Variants in PIGQ observed in about 807,000 individuals in gnomAD.
PIGQ encodes the protein phosphatidylinositol glycan anchor biosynthesis class Q.
Under a neutral mutation model 60.3 loss-of-function variants are expected in PIGQ, and 54 were observed. That is an observed-to-expected ratio of 0.90 (90% CI 0.72 to 1.12). PIGQ has a LOEUF of 1.12. Ranked by LOEUF, PIGQ falls within the 50% of genes most tolerant of loss-of-function variation. PIGQ has a pLI of 0.00. For missense variants in PIGQ, 799 were observed against 793.5 expected (o/e 1.01, Z -0.08); for synonymous variants, 416 against 363.7 (o/e 1.14, Z -1.64).
In PIGQ at chr16:583,043, G is replaced by A. The variant is rs1321166122; in HGVS notation, c.*8G>A. The A allele has an allele frequency of 5.0e-6, 8 of 1,612,910 alleles. No individual in the cohort carries two copies. In the East Asian group the frequency reaches 1.8e-4, roughly 36 times the overall value. ...GGGGACAAGCAGGACTGAGGGAACT[G>A]CTGGCTCGCCTGGCACCACCACACG... On this transcript the variant is annotated 3_prime_UTR_variant, in exon 11 of 11. Coordinates refer to ENST00000321878, the MANE Select transcript of PIGQ (RefSeq NM_004204.5).
At chr16:573,263 CCT>C (rs34138272) in intron 1 of PIGQ, among the ~76,000 whole-genome samples, 85 of 152,338 alleles carry the variant, frequency 5.6e-4, no homozygotes, top group African/African-American at 2.0e-3. Context: ...GACCTGTAAG[CCT>C]CTCTCTCCCC....
intron 2 of PIGQ, 60 bp downstream of exon 2, chr16:574,823 C>A: frequency 7.7e-7 from 1 of 1,304,224 alleles, no homozygotes; most frequent in Non-Finnish European, 1.0e-6. Flanking sequence ...CTGGCCCATC[C>A]CTTTGTCTGC....
chr16:582,998 T>C lies in PIGQ; in HGVS notation c.1709T>C (p.Ile570Thr). 6.2e-7 allele frequency: 1 copy of C among 1,613,136 alleles called. No individual in the cohort carries two copies. Residue 570 changes from isoleucine to threonine, a missense_variant, in exon 11 of 11, where the codon ATC (isoleucine) becomes ACC (threonine). Physicochemically the swap from Ile to Thr is moderately conservative, Grantham distance 89. Transcript: ENST00000321878. ...LCRKLFLGEL[I>T]YPWRQRGDKQ... The stretch of plus-strand genomic sequence containing the variant: ...CGCAAGCTGTTCCTTGGGGAGCTCA[T>C]CTACCCCTGGAGGCAGAGAGGGGAC...
rs1221967936 is a variant in PIGQ, at chr16:571,083, G to C, written c.-10+987G>C. 6.5e-3 allele frequency among the ~76,000 whole-genome samples: 171 copies of C among 26,436 alleles called. 1 individual carries two copies. The highest frequency in any genetic ancestry group is 0.012 in the South Asian group (4 of 344). The allele number at this position is 26,436 out of a possible 152,430, so 17.3% of individuals were successfully genotyped here. On this transcript the variant is annotated intron_variant, in intron 1 of 10. Coordinates refer to ENST00000321878, the MANE Select transcript of PIGQ (RefSeq NM_004204.5). ...TGTGTGTGTGTGTGTGTGTGTGTGT[G>C]TGTGTGTGTGTGTGTGTGTGTGTGT...
Position 580,206 on chromosome 16 carries a change from C to T in PIGQ, c.1359C>T (p.Phe453=), listed in dbSNP as rs1342887527. The T allele has an allele frequency of 3.7e-6, 6 of 1,612,750 alleles. No individual in the cohort carries two copies. The highest frequency in any genetic ancestry group is 5.1e-6 in the Non-Finnish European group (6 of 1,179,374). The change falls in exon 8 of 11, where the codon TTC becomes TTT. Residue 453 remains phenylalanine (F), a synonymous_variant. Transcript: ENST00000321878. ...AGCTGTTCATCGGGACTCTGCTCTT[C>T]ACCATCCTGCTCTTCCTCCTGCCTA... ...LDQLFIGTLL[F]TILLFLLPTT...
rs768828709 is a variant in PIGQ, at chr16:583,514, G to A, written c.*479G>A. On this transcript the variant is annotated 3_prime_UTR_variant, in exon 11 of 11. Coordinates refer to ENST00000321878, the MANE Select transcript of PIGQ (RefSeq NM_004204.5). ...ACCCTCTAGCTCCCTCAGCCGAACAGCACCCTGCATCTGGGGGATTGAAGC... is the reference window on the plus strand; with the variant it reads ...ACCCTCTAGCTCCCTCAGCCGAACAACACCCTGCATCTGGGGGATTGAAGC... 1.9e-5 allele frequency: 30 copies of A among 1,612,566 alleles called. No individual in the cohort carries two copies. Among genetic ancestry groups the A allele is most frequent in the Non-Finnish European group, 2.4e-5 (28 of 1,179,892 alleles).
At chr16:576,303 C>A (rs1157047866) in intron 4 of PIGQ, 49 bp downstream of exon 4, 1 of 1,527,874 alleles carries the variant, frequency 6.5e-7, no homozygotes, top group Non-Finnish European at 8.8e-7. Flanking sequence ...CGTGGGGACC[C>A]CTCCTGGGCA....
rs143344114 is a variant in PIGQ, at chr16:583,375, G to C, written c.*340G>C. ...CTGTGTACCCAGGTCCAGAGGGTCC[G>C]TCCACCACAGCAGCCCCAGGTGGAG... On this transcript the variant is annotated 3_prime_UTR_variant, in exon 11 of 11. Transcript: ENST00000321878. The C allele has an allele frequency of 7.9e-5, 128 of 1,612,540 alleles. No homozygotes were observed. In the African/African-American group the frequency reaches 1.5e-3, roughly 19 times the overall value.
intron 4 of PIGQ, among the ~76,000 whole-genome samples, chr16:577,444 G>A (rs1043917304): frequency 5.9e-5 from 9 of 152,018 alleles, no homozygotes; most frequent in Non-Finnish European, 1.0e-4. Context: ...AGGTATGGTG[G>A]TGGGCACCTG....
At chr16:573,852 TTGGGGCCAGCACTC>T (rs1187504597) in intron 1 of PIGQ, among the ~76,000 whole-genome samples, 200 bp from the exon 2 acceptor site, 3 of 152,172 alleles carry the variant, frequency 2.0e-5, no homozygotes, top group Non-Finnish European at 4.4e-5. Context: ...TGGGGTGGAC[TTGGGGCCAGCACTC>T]TGGCTGCCCC....
At chr16:581,008 G>A (rs771168686) in intron 9 of PIGQ, 36 bp downstream of exon 9, 7 of 1,434,536 alleles carry the variant, frequency 4.9e-6, no homozygotes, top group Non-Finnish European at 6.9e-6. Context: ...GCCCTGGGTA[G>A]GTGGAGGGGA....
chr16:577,378 C>T (rs1218708055), intron 4 of PIGQ: 8 of 152,030 alleles, frequency 5.3e-5, no homozygotes, highest in East Asian at 1.9e-4. Flanking sequence ...GAGATCGAGA[C>T]CATCCTGGCT....
At chr16:570,436 T>G (rs568757392) in intron 1 of PIGQ, 1 of 152,388 alleles carries the variant, frequency 6.6e-6, no homozygotes, top group South Asian at 2.1e-4. Context: ...GGTCTCACCA[T>G]GTTGCCCAGG....
Position 574,728 on chromosome 16 carries a change from C to T in PIGQ, c.654C>T (p.Ser218=). Residue 218 remains serine, a synonymous_variant, in exon 2 of 11, where the codon AGC becomes AGT. Coordinates refer to ENST00000321878, the MANE Select transcript of PIGQ (RefSeq NM_004204.5). ...GACCCATTTGCCTGCTGTTGGCCAG[C>T]CTGCTGTCGCTGGTCTCAGCTGTCA... is the stretch of plus-strand genomic sequence containing the variant. ...ASGPICLLLA[S]LLSLVSAVSA... 1 of 1,585,788 alleles carries T rather than the reference C, an allele frequency of 6.3e-7. No individual in the cohort carries two copies. The highest frequency in any genetic ancestry group is 8.5e-7 in the Non-Finnish European group (1 of 1,170,890).
chr16:583,751 C>T lies in PIGQ; in HGVS notation c.*716C>T. 2 of 1,227,658 alleles carry T rather than the reference C, an allele frequency of 1.6e-6. No homozygotes were observed. Among genetic ancestry groups the T allele is most frequent in the Non-Finnish European group, 2.4e-6 (2 of 846,558 alleles). The allele number at this position is 1,227,658 out of a possible 1,614,324, so 76.0% of individuals were successfully genotyped here. A position where few individuals can be genotyped will look rare whatever the true frequency, so the allele number is the denominator to read the frequency against. ...CCTATTCGTCCACGGTGCCCCGTAG[C>T]AGCAGGTCCTGCGGCCAAATCTGTC... is the stretch of plus-strand genomic sequence containing the variant. On this transcript the variant is annotated 3_prime_UTR_variant, in exon 11 of 11. Coordinates refer to ENST00000321878, the MANE Select transcript of PIGQ (RefSeq NM_004204.5).
intron 1 of PIGQ, among the ~76,000 whole-genome samples, chr16:571,719 C>G (rs952004106): frequency 3.9e-5 from 6 of 151,962 alleles, no homozygotes; most frequent in Non-Finnish European, 7.4e-5. Flanking sequence ...TCATCTTCCT[C>G]TGGCTGTGTG....
Position 576,266 on chromosome 16 carries a change from G to T in PIGQ, c.942+12G>T. ...TTCCTGTGGCTGACGTGAGTGGACTGGGGTGGAGCCCGGTGTCCCGGGTGG... is the reference window on the plus strand; with the variant it reads ...TTCCTGTGGCTGACGTGAGTGGACTTGGGTGGAGCCCGGTGTCCCGGGTGG... On this transcript the variant is annotated intron_variant, in intron 4 of 10. Transcript: ENST00000321878. 6.4e-7 allele frequency: 1 copy of T among 1,553,946 alleles called. No individual in the cohort carries two copies. Among genetic ancestry groups the T allele is most frequent in the East Asian group, 2.4e-5 (1 of 41,686 alleles).
At chr16:572,080 G>C (rs1477115403) in intron 1 of PIGQ, among the ~76,000 whole-genome samples, 5 of 152,184 alleles carry the variant, frequency 3.3e-5, no homozygotes, top group Admixed American at 2.0e-4. Flanking sequence ...TCTGTGGGCA[G>C]TTTTCCTTAG....
intron 1 of PIGQ, among the ~76,000 whole-genome samples, chr16:573,548 A>C (rs367710185): frequency 2.0e-5 from 3 of 152,212 alleles, no homozygotes; most frequent in African/African-American, 7.2e-5. Context: ...GCCCAGCAGC[A>C]CATCATTTTA....
Sources: gnomAD v4.1 joint callset for allele counts (sites outside exome capture counted in the v4.1 genomes callset) on GRCh38, gnomAD v4.1.1 for gene constraint, MANE v1.5 for transcripts, NCBI Gene and HGNC (gene_info 2026-07-23, HGNC 2026-07-21) for gene names.